Variants in TMEM272 observed in about 807,000 individuals in gnomAD.
TMEM272 encodes the protein transmembrane protein 272.
TMEM272 carries 8 observed loss-of-function variants against 3.7 expected under a neutral mutation model. That is an observed-to-expected ratio of 2.17 (90% CI 1.27 to 3.91). TMEM272 has a LOEUF of 3.91. Ranked by LOEUF, TMEM272 falls within the 30% of genes most tolerant of loss-of-function variation. TMEM272 has a pLI of 0.00. For missense variants in TMEM272, 166 were observed against 91.5 expected, an observed-to-expected ratio of 1.81 and a Z score of -3.32; for synonymous variants, 63 against 39.8, an observed-to-expected ratio of 1.58 and a Z score of -2.20.
intron 2 of TMEM272, among the ~76,000 whole-genome samples, chr13:51,835,008 G>A (rs1421488351): frequency 6.6e-6 from 1 of 152,080 alleles, no homozygotes; most frequent in South Asian, 2.1e-4. Flanking sequence ...CAGTGGCCCA[G>A]GAGAGCTCCA....
At chr13:51,905,487 G>A in the TMEM272 span, among the ~76,000 whole-genome samples, 1 of 152,174 alleles carries the variant, frequency 6.6e-6, no homozygotes, top group South Asian at 2.1e-4. Flanking sequence ...TCTTCAGCAG[G>A]GCTTTGAGAT....
the TMEM272 span, among the ~76,000 whole-genome samples, chr13:51,888,645 T>C: frequency 7.7e-5 from 8 of 104,040 alleles, no homozygotes; most frequent in East Asian, 2.7e-4. Context: ...TTTTCTTTTT[T>C]TTTTTTTTTT....
chr13:51,909,103 T>C, the TMEM272 span: 4 of 1,465,856 alleles, frequency 2.7e-6, no homozygotes, highest in Non-Finnish European at 3.8e-6. Context: ...CCAAATGCTG[T>C]ATTTGGAACA....
the TMEM272 span, among the ~76,000 whole-genome samples, chr13:51,860,468 A>C: frequency 1.3e-5 from 2 of 151,866 alleles, no homozygotes; most frequent in African/African-American, 4.8e-5. Context: ...GAGAAACCTT[A>C]TCTCTAAAAA....
the TMEM272 span, among the ~76,000 whole-genome samples, chr13:51,859,503 CAA>C: frequency 2.8e-5 from 3 of 106,526 alleles, no homozygotes; most frequent in Middle Eastern, 4.3e-3. Context: ...GACTCCCAAC[CAA>C]ACACACACAC....
chr13:51,877,480 T>C, the TMEM272 span, among the ~76,000 whole-genome samples: 1 of 152,220 alleles, frequency 6.6e-6, no homozygotes, highest in African/African-American at 2.4e-5. Context: ...TATTAATAAT[T>C]GAACATTGTG....
the TMEM272 span, among the ~76,000 whole-genome samples, chr13:51,903,972 T>TGTGTGTGTGTG: frequency 2.6e-5 from 4 of 151,426 alleles, no homozygotes; most frequent in South Asian, 2.1e-4. Context: ...TGTGTGTGTG[T>TGTGTGTGTGTG]TTAGAAAGAA....
the TMEM272 span, among the ~76,000 whole-genome samples, chr13:51,892,430 T>A: frequency 6.6e-6 from 1 of 152,210 alleles, no homozygotes; most frequent in Non-Finnish European, 1.5e-5. Context: ...AGTTATCTGC[T>A]TGCTTTCAGA....
At chr13:51,888,633 C>CTTTTTCTTTTTTTTTT in the TMEM272 span, among the ~76,000 whole-genome samples, 1 of 120,114 alleles carries the variant, frequency 8.3e-6, no homozygotes, top group Non-Finnish European at 1.7e-5. Flanking sequence ...TTTCTTTTTT[C>CTTTTTCTTTTTTTTTT]TTTTTCTTTT....
chr13:51,841,255 A>G (rs1273045244), intron 1 of TMEM272, among the ~76,000 whole-genome samples: 3 of 152,220 alleles, frequency 2.0e-5, no homozygotes, highest in African/African-American at 7.2e-5. Flanking sequence ...TGTGTACTTC[A>G]CATCTTCCAG....
chr13:51,897,926 C>CAAAAAA, the TMEM272 span, among the ~76,000 whole-genome samples: 37 of 98,378 alleles, frequency 3.8e-4, 1 homozygote, highest in East Asian at 2.2e-3. Context: ...GACTCCATCT[C>CAAAAAA]AAAAAAAAAA....
chr13:51,875,090 T>C, the TMEM272 span, among the ~76,000 whole-genome samples: 20 of 152,230 alleles, frequency 1.3e-4, no homozygotes, highest in Non-Finnish European at 2.2e-4. Flanking sequence ...CAGCAAAGCC[T>C]TGAGAACAGA....
At chr13:51,828,617 C>T (rs76266795) in intron 2 of TMEM272, among the ~76,000 whole-genome samples, 7,316 of 152,174 alleles carry the variant, frequency 0.048, 244 homozygotes, top group Middle Eastern at 0.11. Flanking sequence ...TGCAACTTAA[C>T]GGCCCCAAGC....
chr13:51,858,248 T>G, the TMEM272 span, among the ~76,000 whole-genome samples: 6 of 152,008 alleles, frequency 3.9e-5, no homozygotes, highest in Non-Finnish European at 7.4e-5. Context: ...AATTCAGACA[T>G]AGAGAGAGAG....
the TMEM272 span, among the ~76,000 whole-genome samples, chr13:51,927,580 G>A: frequency 3.3e-5 from 5 of 152,164 alleles, no homozygotes; most frequent in African/African-American, 1.2e-4. Context: ...TCTAAAACCA[G>A]ACTGAAATGC....
chr13:51,862,012 C>T, the TMEM272 span: 1 of 152,256 alleles, frequency 6.6e-6, no homozygotes, highest in Non-Finnish European at 1.5e-5. Flanking sequence ...CTCTTTCAAA[C>T]CTTTCAAGTG....
At chr13:51,928,396 A>AGAT in the TMEM272 span, among the ~76,000 whole-genome samples, 1 of 152,198 alleles carries the variant, frequency 6.6e-6, no homozygotes, top group African/African-American at 2.4e-5. Context: ...TGCTTTACTC[A>AGAT]GATGACCTCA....
At chr13:51,908,842 G>A in the TMEM272 span, 10 of 1,437,492 alleles carry the variant, frequency 7.0e-6, no homozygotes, top group South Asian at 1.1e-5. Context: ...TCCCACGGAG[G>A]TGACAGGGGC....
chr13:51,910,685 C>G, the TMEM272 span: 1 of 428,486 alleles, frequency 2.3e-6, no homozygotes, highest in Admixed American at 3.5e-5. Flanking sequence ...CAATAAGCGG[C>G]AGAGAATACA....
Sources: allele counts gnomAD v4.1 joint callset (sites outside exome capture counted in the v4.1 genomes callset), GRCh38; gene constraint gnomAD v4.1.1; transcripts MANE v1.5; gene names NCBI Gene and HGNC (gene_info 2026-07-23, HGNC 2026-07-21).